The following DNAAF9 variants were observed in gnomAD, a reference collection of about 807,000 sequenced individuals.
DNAAF9 encodes shulin.
DNAAF9 carries 90 observed loss-of-function variants against 167.0 expected under a neutral mutation model. The observed-to-expected ratio is 0.54, with a 90% confidence interval of 0.45 to 0.64. The LOEUF (loss-of-function observed/expected upper bound fraction) is 0.64, where lower values mean the gene tolerates loss of function less well. Among genes scored for constraint, DNAAF9 ranks in the 30% least tolerant of loss-of-function variants. DNAAF9 has a pLI of 0.00. For synonymous variants in DNAAF9, 491 were observed against 508.8 expected (o/e 0.96, Z 0.47); for missense variants, 1,315 against 1,442.2 (o/e 0.91, Z 1.43).
At chr20:3,395,006 C>T (rs376768439) in intron 1 of DNAAF9, among the ~76,000 whole-genome samples, 3 of 114,458 alleles carry the variant, frequency 2.6e-5, no homozygotes, top group Non-Finnish European at 5.1e-5. Flanking sequence ...TTCGCTCTGT[C>T]GCCCAGGCTG....
intron 14 of DNAAF9, among the ~76,000 whole-genome samples, chr20:3,324,366 G>T (rs1055812913): frequency 2.6e-5 from 4 of 152,056 alleles, no homozygotes; most frequent in African/African-American, 9.7e-5. Flanking sequence ...TGGTTAAGTG[G>T]ACTGGGTTCA....
At chr20:3,399,150 C>T (rs1023327097) in intron 1 of DNAAF9, among the ~76,000 whole-genome samples, 38 of 152,310 alleles carry the variant, frequency 2.5e-4, no homozygotes, top group African/African-American at 8.9e-4. Context: ...AACTTCATTC[C>T]ACACAGCTAC....
intron 10 of DNAAF9, 56 bp downstream of exon 10, chr20:3,340,448 C>G (rs2070057207): frequency 2.2e-6 from 1 of 449,438 alleles, no homozygotes; most frequent in Non-Finnish European, 3.4e-6. Flanking sequence ...CCACCCACCC[C>G]ACCCCCACAA....
chr20:3,386,310 A>T (rs2083736300), intron 1 of DNAAF9, among the ~76,000 whole-genome samples: 1 of 152,228 alleles, frequency 6.6e-6, no homozygotes, highest in African/African-American at 2.4e-5. Context: ...CAGATAGAGT[A>T]ACCAGAAGCA....
chr20:3,304,581 G>C (rs531184436), intron 20 of DNAAF9, 38 bp from the exon 21 acceptor site: 1 of 896,384 alleles, frequency 1.1e-6, no homozygotes, highest in Non-Finnish European at 1.9e-6. Context: ...CTGGAGGGCT[G>C]GGTGCTGGGG....
intron 20 of DNAAF9, among the ~76,000 whole-genome samples, chr20:3,309,457 A>G (rs2069363220): frequency 6.6e-6 from 1 of 152,252 alleles, no homozygotes; most frequent in South Asian, 2.1e-4. Context: ...TATGTTATCT[A>G]TCTAAAATAA....
intron 26 of DNAAF9, among the ~76,000 whole-genome samples, chr20:3,289,645 G>A (rs2068914811): frequency 1.3e-5 from 2 of 151,950 alleles, no homozygotes; most frequent in Admixed American, 6.6e-5. Context: ...TCAGCCTCCC[G>A]AGTAGCTGGG....
chr20:3,314,982 C>G, intron 20 of DNAAF9, 51 bp downstream of exon 20: 1 of 963,362 alleles, frequency 1.0e-6, no homozygotes, highest in South Asian at 1.3e-5. Flanking sequence ...CTGACATCTG[C>G]AAATGAGGGA....
At chr20:3,296,276 A>C in intron 23 of DNAAF9, 3 of 407,778 alleles carry the variant, frequency 7.4e-6, no homozygotes, top group Non-Finnish European at 1.4e-5. Context: ...GCGCCCCCCA[A>C]GACAGGTGAG....
chr20:3,254,680 G>A (rs2068247962), intron 35 of DNAAF9, among the ~76,000 whole-genome samples: 1 of 152,150 alleles, frequency 6.6e-6, no homozygotes, highest in Admixed American at 6.6e-5. Context: ...CTGGCATCCT[G>A]GGGACCTAGA....
chr20:3,283,693 G>A (rs1331841338), intron 27 of DNAAF9, among the ~76,000 whole-genome samples: 1 of 152,218 alleles, frequency 6.6e-6, no homozygotes, highest in African/African-American at 2.4e-5. Context: ...GGAGTTAATG[G>A]ATTTAACTCT....
chr20:3,296,526 TGCCA>T, intron 23 of DNAAF9: 1 of 307,934 alleles, frequency 3.2e-6, no homozygotes, highest in Non-Finnish European at 6.1e-6. Context: ...TACAGGCATG[TGCCA>T]CCATACCCAG....
intron 21 of DNAAF9, among the ~76,000 whole-genome samples, chr20:3,303,455 G>A (rs897438407): frequency 4.6e-5 from 7 of 151,718 alleles, no homozygotes; most frequent in African/African-American, 1.2e-4. Context: ...ATTTTTTGTC[G>A]AAATTAGCTA....
At position 3,251,998 on chromosome 20, in the gene DNAAF9, C is replaced by G. The variant is rs2068201190; in HGVS notation, c.*574G>C. 1 of 153,096 alleles carries G rather than the reference C, an allele frequency of 6.5e-6. No individual in the cohort carries two copies. Among genetic ancestry groups the G allele is most frequent in the Non-Finnish European group, 1.5e-5 (1 of 68,738 alleles). The allele number at this position is 153,096 out of a possible 1,614,324, so 9.5% of individuals were successfully genotyped here. On this transcript the variant is annotated 3_prime_UTR_variant, in exon 37 of 37. Coordinates refer to ENST00000252032, the MANE Select transcript of DNAAF9 (RefSeq NM_001009984.3). Reference sequence around the variant, plus strand: ...ACATCATTCATCTCAACCCAAGCTGCTGGCTCTGTGGACTGGGCCTGGGCA... The same window carrying G: ...ACATCATTCATCTCAACCCAAGCTGGTGGCTCTGTGGACTGGGCCTGGGCA...
At chr20:3,378,795 C>T (rs1016281240) in intron 3 of DNAAF9, among the ~76,000 whole-genome samples, 6 of 152,192 alleles carry the variant, frequency 3.9e-5, no homozygotes, top group African/African-American at 1.4e-4. Flanking sequence ...ATACTGACCA[C>T]ATCTGACCAC....
chr20:3,354,861 T>C (rs1188896865), intron 7 of DNAAF9, among the ~76,000 whole-genome samples: 1 of 152,150 alleles, frequency 6.6e-6, no homozygotes, highest in Non-Finnish European at 1.5e-5. Context: ...AGAATCAAGC[T>C]CATAGAAGTC....
chr20:3,299,607 C>T (rs6115843), intron 21 of DNAAF9, among the ~76,000 whole-genome samples: 5 of 152,204 alleles, frequency 3.3e-5, no homozygotes, highest in East Asian at 1.9e-4. Context: ...CCACCGCACC[C>T]GGCCTCTCAG....
intron 35 of DNAAF9, among the ~76,000 whole-genome samples, chr20:3,254,166 T>A (rs2068239459): frequency 6.6e-6 from 1 of 152,050 alleles, no homozygotes; most frequent in African/African-American, 2.4e-5. Flanking sequence ...GCAACCTCCA[T>A]CTCCTGGGTT....
rs188832951 is a variant in DNAAF9 at position 3,397,462 on chromosome 20, G to A, written c.83+10013C>T. Among the ~76,000 whole-genome samples, 17 of 152,040 alleles carry A rather than the reference G, an allele frequency of 1.1e-4. No homozygotes were observed. The East Asian group carries it at 3.1e-3, about 28-fold the overall frequency. On this transcript the variant is annotated intron_variant, in intron 1 of 36. Transcript: ENST00000252032. Reference sequence around the variant, plus strand: ...GCCTCCCGAGTAGCTGGGATTACACGCACCTGCCACTAAGCCCAGCTAATT... The same window carrying A: ...GCCTCCCGAGTAGCTGGGATTACACACACCTGCCACTAAGCCCAGCTAATT...
Sources: allele counts gnomAD v4.1 joint callset (sites outside exome capture counted in the v4.1 genomes callset), GRCh38; gene constraint gnomAD v4.1.1; transcripts MANE v1.5; gene names NCBI Gene and HGNC (gene_info 2026-07-23, HGNC 2026-07-21).